Variants in CFHR4 observed in about 807,000 individuals in gnomAD.
CFHR4 encodes complement factor H related 4, also known as complement factor H-related protein 4.
Under a neutral mutation model 69.3 loss-of-function variants are expected in CFHR4, and 64 were observed. The observed-to-expected ratio is 0.92, with a 90% confidence interval of 0.76 to 1.14. The LOEUF (loss-of-function observed/expected upper bound fraction) is 1.14. Ranked by LOEUF, CFHR4 falls within the 50% of genes most tolerant of loss-of-function variation. The pLI, the probability that CFHR4 is intolerant of heterozygous loss-of-function variation, is 0.00. For synonymous variants in CFHR4, 244 were observed against 237.0 expected (o/e 1.03, Z -0.27); for missense variants, 636 against 684.9 (o/e 0.93, Z 0.80).
At chr1:196,897,277 A>C (rs1160011758) in intron 1 of CFHR4, among the ~76,000 whole-genome samples, 1 of 151,464 alleles carries the variant, frequency 6.6e-6, no homozygotes, top group African/African-American at 2.4e-5. Flanking sequence ...GGCCGGCATG[A>C]GTGCTTTTGA....
At chr1:196,916,791 G>T (rs901721362) in intron 9 of CFHR4, among the ~76,000 whole-genome samples, 11 of 151,436 alleles carry the variant, frequency 7.3e-5, no homozygotes, top group Admixed American at 4.0e-4. Context: ...GAACAGGAAA[G>T]GATTATAATT....
chr1:196,894,588 TTGAA>T (rs1279777853), intron 1 of CFHR4, among the ~76,000 whole-genome samples: 1 of 151,470 alleles, frequency 6.6e-6, no homozygotes, highest in Non-Finnish European at 1.5e-5. Flanking sequence ...GGATTCTTAG[TTGAA>T]AGACGTTTTT....
Position 196,898,578 on chromosome 1 carries a change from C to T in CFHR4, c.59-3840C>T, listed in dbSNP as rs568292672. Among the ~76,000 whole-genome samples the T allele has an allele frequency of 2.0e-5, 3 of 151,684 alleles. No individual in the cohort carries two copies. In the South Asian group the frequency reaches 6.2e-4, roughly 32 times the overall value. On this transcript the variant is annotated intron_variant, in intron 1 of 9. Coordinates refer to ENST00000608469, the MANE Select transcript of CFHR4 (RefSeq NM_001201550.3). ...TTCTTCCAATGTCCAAAATAATACA[C>T]TGGGTGAGACTAGCACCCTCTAAAG...
chr1:196,893,236 G>A (rs1416323900), intron 1 of CFHR4, among the ~76,000 whole-genome samples: 2 of 151,704 alleles, frequency 1.3e-5, no homozygotes, highest in African/African-American at 2.4e-5. Context: ...GAGTTATAGC[G>A]TTATAATGAC....
At chr1:196,917,148 T>C (rs1419289653) in intron 9 of CFHR4, among the ~76,000 whole-genome samples, 1 of 139,412 alleles carries the variant, frequency 7.2e-6, no homozygotes. Flanking sequence ...ACTTGAAAGA[T>C]GTATTAAAAT....
chr1:196,900,317 A>AT (rs36051521), intron 1 of CFHR4, among the ~76,000 whole-genome samples: 67,348 of 134,074 alleles, frequency 0.5, 18,200 homozygotes, highest in Middle Eastern at 0.62. Context: ...CATAGGTGGA[A>AT]TTTTTTTTTT....
chr1:196,897,151 G>A lies in CFHR4; in HGVS notation c.59-5267G>A, dbSNP rs547439077. On this transcript the variant is annotated intron_variant, in intron 1 of 9. Coordinates refer to ENST00000608469, the MANE Select transcript of CFHR4 (RefSeq NM_001201550.3). Reference sequence around the variant, plus strand: ...GAAAGCACCTTTGTCTTTCAATCAAGATGAAATGGGGGAGTTCCCTGATTC... The same window carrying A: ...GAAAGCACCTTTGTCTTTCAATCAAAATGAAATGGGGGAGTTCCCTGATTC... Among the ~76,000 whole-genome samples the A allele has an allele frequency of 2.6e-5, 4 of 151,688 alleles. No individual in the cohort carries two copies. In the South Asian group the frequency reaches 8.3e-4, roughly 31 times the overall value.
At chr1:196,888,746 C>T (rs1424429579) in intron 1 of CFHR4, among the ~76,000 whole-genome samples, 1 of 151,316 alleles carries the variant, frequency 6.6e-6, no homozygotes, top group Admixed American at 6.6e-5. Context: ...ACAAGATTAG[C>T]AATATGTAAA....
chr1:196,914,801 C>T (rs1367167745), intron 8 of CFHR4, 130 bp downstream of exon 8: 4 of 1,413,194 alleles, frequency 2.8e-6, no homozygotes, highest in Non-Finnish European at 3.7e-6. Context: ...TGTGAATTAT[C>T]TTGAGACTTA....
chr1:196,906,412 T>C (rs1657909286), intron 3 of CFHR4, among the ~76,000 whole-genome samples: 1 of 151,588 alleles, frequency 6.6e-6, no homozygotes, highest in Non-Finnish European at 1.5e-5. Flanking sequence ...TAAAAGATGC[T>C]TTAAAATTTT....
intron 5 of CFHR4, among the ~76,000 whole-genome samples, chr1:196,908,917 T>C (rs543544219): frequency 1.3e-5 from 2 of 151,598 alleles, no homozygotes; most frequent in South Asian, 4.2e-4. Flanking sequence ...ATGATGCTGA[T>C]ATTTTGGCTG....
At chr1:196,918,114 A>G (rs909602913) in intron 9 of CFHR4, 96 bp from the exon 10 acceptor site, 5 of 1,247,684 alleles carry the variant, frequency 4.0e-6, no homozygotes, top group Non-Finnish European at 5.4e-6. Flanking sequence ...ATTATTTTAT[A>G]ATTTTATTTT....
intron 9 of CFHR4, among the ~76,000 whole-genome samples, chr1:196,917,609 C>T (rs1301459878): frequency 6.6e-6 from 1 of 151,110 alleles, no homozygotes; most frequent in South Asian, 2.1e-4. Flanking sequence ...ATGAAGATGA[C>T]AGGGATAGAT....
At chr1:196,904,367 G>C (rs2124952932) in intron 2 of CFHR4, among the ~76,000 whole-genome samples, 1 of 151,456 alleles carries the variant, frequency 6.6e-6, no homozygotes, top group East Asian at 1.9e-4. Context: ...TTTCCTTTCA[G>C]ATAGTAAAAT....
intron 5 of CFHR4, 34 bp downstream of exon 5, chr1:196,907,532 A>G: frequency 6.4e-7 from 1 of 1,555,178 alleles, no homozygotes; most frequent in Non-Finnish European, 8.8e-7. Flanking sequence ...TGAGAAAATT[A>G]GAGTAATAAC....
intron 7 of CFHR4, 56 bp from the exon 8 acceptor site, chr1:196,914,439 T>A: frequency 1.3e-6 from 2 of 1,536,428 alleles, no homozygotes. Context: ...ACTTTCTTAG[T>A]TGAGTTGTGC....
chr1:196,900,949 A>G (rs183436047), intron 1 of CFHR4, among the ~76,000 whole-genome samples: 2 of 151,644 alleles, frequency 1.3e-5, no homozygotes, highest in Non-Finnish European at 2.9e-5. Flanking sequence ...GACATTTACA[A>G]CATGCAAGGA....
chr1:196,907,784 AAATACAGCATCTCAC>A (rs1657995582), intron 5 of CFHR4, among the ~76,000 whole-genome samples: 1 of 151,534 alleles, frequency 6.6e-6, no homozygotes, highest in African/African-American at 2.4e-5. Flanking sequence ...CACACATATG[AAATACAGCATCTCAC>A]CTTAACATCA....
intron 1 of CFHR4, among the ~76,000 whole-genome samples, chr1:196,895,241 A>T (rs181833233): frequency 9.2e-5 from 14 of 151,616 alleles, no homozygotes; most frequent in East Asian, 3.9e-4. Context: ...ACTACAAATT[A>T]AAAAACTTAA....
Sources: allele counts gnomAD v4.1 joint callset (sites outside exome capture counted in the v4.1 genomes callset), GRCh38; gene constraint gnomAD v4.1.1; transcripts MANE v1.5; gene names NCBI Gene and HGNC (gene_info 2026-07-23, HGNC 2026-07-21).